MYO1H: variants seen among roughly 807,000 people sequenced by gnomAD.
MYO1H encodes the protein unconventional myosin-Ih.
MYO1H carries 118 observed loss-of-function variants against 149.3 expected under a neutral mutation model. The ratio of observed to expected loss-of-function variants is 0.79; its 90% CI spans 0.68 to 0.92. MYO1H has a LOEUF of 0.92. Among genes scored for constraint, MYO1H ranks in the 40% least tolerant of loss-of-function variants. The pLI is 0.00. For missense variants in MYO1H, 1,212 were observed against 1,280.7 expected, an observed-to-expected ratio of 0.95 and a Z score of 0.82; for synonymous variants, 447 against 465.2, an observed-to-expected ratio of 0.96 and a Z score of 0.50.
intron 22 of MYO1H, 54 bp from the exon 23 acceptor site, chr12:109,438,481 CT>C: frequency 7.2e-7 from 1 of 1,393,598 alleles, no homozygotes. Flanking sequence ...GAAAAGCCTT[CT>C]GTATTTCCAT....
the MYO1H span, among the ~76,000 whole-genome samples, chr12:109,321,570 G>A: frequency 6.6e-6 from 1 of 152,140 alleles, no homozygotes; most frequent in East Asian, 1.9e-4. Flanking sequence ...AGGAAACACT[G>A]CAAATCAATG....
chr12:109,344,022 C>G (rs1031199761), upstream of MYO1H, among the ~76,000 whole-genome samples: 7 of 152,144 alleles, frequency 4.6e-5, no homozygotes, highest in African/African-American at 1.7e-4. Flanking sequence ...CTCAGACTTT[C>G]CTTGTTAAGG....
chr12:109,328,791 A>T, the MYO1H span, among the ~76,000 whole-genome samples: 5 of 152,126 alleles, frequency 3.3e-5, no homozygotes, highest in African/African-American at 1.2e-4. Context: ...TTGAGGTATT[A>T]TTGACACATA....
At chr12:109,438,673 C>A in intron 23 of MYO1H, 53 bp downstream of exon 23, 2 of 1,340,154 alleles carry the variant, frequency 1.5e-6, no homozygotes, top group Non-Finnish European at 1.0e-6. Context: ...TGGTACCCTG[C>A]AGGGATGGTC....
chr12:109,387,696 C>A (rs1470031460), intron 1 of MYO1H, among the ~76,000 whole-genome samples: 10 of 152,212 alleles, frequency 6.6e-5, no homozygotes, highest in Admixed American at 6.5e-4. Flanking sequence ...GTGCCCAGAG[C>A]ACATAGTCTC....
intron 1 of MYO1H, among the ~76,000 whole-genome samples, chr12:109,350,881 C>T (rs1359821738): frequency 6.6e-6 from 1 of 152,182 alleles, no homozygotes; most frequent in Non-Finnish European, 1.5e-5. Flanking sequence ...TCAATCGTTA[C>T]ATCTTACATA....
intron 31 of MYO1H, 114 bp downstream of exon 31, chr12:109,445,726 T>C (rs1478542671): frequency 1.4e-6 from 2 of 1,407,520 alleles, no homozygotes; most frequent in Non-Finnish European, 1.8e-6. Flanking sequence ...TAATAGTTCA[T>C]TTCTGCCCTC....
chr12:109,328,465 G>C, the MYO1H span, among the ~76,000 whole-genome samples: 1 of 152,030 alleles, frequency 6.6e-6, no homozygotes, highest in East Asian at 1.9e-4. Context: ...CAAAGTGCTG[G>C]GATTACTGGT....
At chr12:109,443,774 A>C (rs1872353939) in intron 28 of MYO1H, 125 bp downstream of exon 28, 1 of 998,462 alleles carries the variant, frequency 1.0e-6, no homozygotes, top group Non-Finnish European at 1.5e-6. Context: ...GTAGTGATGC[A>C]CACCTGTAGT....
At chr12:109,427,895 A>T (rs1871421981) in intron 19 of MYO1H, among the ~76,000 whole-genome samples, 2 of 51,644 alleles carry the variant, frequency 3.9e-5, no homozygotes, top group African/African-American at 1.8e-4. Flanking sequence ...AAAAAAAAAA[A>T]AAAAAAAAAA....
At chr12:109,326,814 C>T in the MYO1H span, among the ~76,000 whole-genome samples, 3 of 151,928 alleles carry the variant, frequency 2.0e-5, no homozygotes, top group South Asian at 4.2e-4. Context: ...CCACCATACC[C>T]GGTCTAGACT....
chr12:109,396,043 C>T (rs1348288921), intron 3 of MYO1H, among the ~76,000 whole-genome samples: 1 of 151,872 alleles, frequency 6.6e-6, no homozygotes, highest in Admixed American at 6.6e-5. Context: ...CTCAGCCTCC[C>T]GAGTAGCTGG....
At chr12:109,376,139 A>T (rs1303326292) in intron 1 of MYO1H, among the ~76,000 whole-genome samples, 1 of 152,196 alleles carries the variant, frequency 6.6e-6, no homozygotes, top group Non-Finnish European at 1.5e-5. Flanking sequence ...TACAATTTAG[A>T]GTAGATACCT....
chr12:109,431,626 C>T (rs1251500676), intron 19 of MYO1H, among the ~76,000 whole-genome samples: 2 of 152,176 alleles, frequency 1.3e-5, no homozygotes, highest in African/African-American at 4.8e-5. Flanking sequence ...CCAGTGGCTC[C>T]GGTTGTGCTG....
At chr12:109,318,252 TACATTAGA>T in the MYO1H span, among the ~76,000 whole-genome samples, 2 of 152,228 alleles carry the variant, frequency 1.3e-5, no homozygotes, top group African/African-American at 4.8e-5. Flanking sequence ...TTTCTTATGC[TACATTAGA>T]ACAAGTTTAT....
At chr12:109,315,898 C>G in the MYO1H span, among the ~76,000 whole-genome samples, 2 of 152,340 alleles carry the variant, frequency 1.3e-5, no homozygotes, top group Admixed American at 6.5e-5. Flanking sequence ...AAACAGCTTA[C>G]TCTGCCCAAC....
At chr12:109,415,414 T>G (rs1870859157) in intron 14 of MYO1H, 112 bp from the exon 15 acceptor site, 7 of 917,418 alleles carry the variant, frequency 7.6e-6, no homozygotes, top group Non-Finnish European at 1.1e-5. Context: ...GGTCGGAGGT[T>G]GCCGTGAGCC....
intron 14 of MYO1H, 126 bp downstream of exon 14, chr12:109,412,111 C>T: frequency 1.6e-6 from 1 of 615,128 alleles, no homozygotes; most frequent in East Asian, 3.0e-5. Flanking sequence ...TTATGTATAC[C>T]ACTCATAGAT....
intron 26 of MYO1H, among the ~76,000 whole-genome samples, 154 bp downstream of exon 26, chr12:109,441,862 C>T (rs964581602): frequency 1.3e-5 from 2 of 150,096 alleles, no homozygotes; most frequent in Non-Finnish European, 3.0e-5. Flanking sequence ...GCCTGGCCAA[C>T]ATGGCGAAAC....
Sources: gnomAD v4.1 joint callset for allele counts (sites outside exome capture counted in the v4.1 genomes callset) on GRCh38, gnomAD v4.1.1 for gene constraint, MANE v1.5 for transcripts, NCBI Gene and HGNC (gene_info 2026-07-23, HGNC 2026-07-21) for gene names.